ZFHX3: variants seen among roughly 807,000 people sequenced by gnomAD.
The protein encoded by ZFHX3 is zinc finger homeobox 3.
ZFHX3 carries 42 observed loss-of-function variants against 279.1 expected under a neutral mutation model. That is an observed-to-expected ratio of 0.15 (90% CI 0.12 to 0.19). The LOEUF (loss-of-function observed/expected upper bound fraction) is 0.19, where lower values mean the gene tolerates loss of function less well. Ranked by LOEUF, ZFHX3 falls within the 10% of genes least tolerant of loss-of-function variation. The pLI is 1.00. For missense variants in ZFHX3, 4,981 were observed against 4,754.0 expected (o/e 1.05, Z -1.40); for synonymous variants, 2,293 against 1,957.8 (o/e 1.17, Z -4.52).
At position 73,659,009 on chromosome 16, in the gene ZFHX3, T is replaced by C. The variant is rs78952787; in HGVS notation, c.-1547+21171A>G. On this transcript the variant is annotated intron_variant, in intron 2 of 17. Coordinates refer to the ZFHX3 transcript ENST00000641206. The stretch of plus-strand genomic sequence containing the variant: ...GGTAACCAAAGAGAAACGGAAAAAT[T>C]AAGAGTTGATAGGAATTAAGGAGAA... Among the ~76,000 whole-genome samples, 362 of 151,882 alleles carry C rather than the reference T, an allele frequency of 2.4e-3. 2 individuals are homozygous for C. Among genetic ancestry groups the C allele is most frequent in the Non-Finnish European group, 3.9e-3 (263 of 67,958 alleles).
At chr16:73,090,185 G>T (rs1458661262) in intron 8 of ZFHX3, among the ~76,000 whole-genome samples, 1 of 152,188 alleles carries the variant, frequency 6.6e-6, no homozygotes, top group Non-Finnish European at 1.5e-5. Context: ...CTTGAGCTCA[G>T]GAGTTTGAGA....
At chr16:72,891,439 T>C (rs1244840902) in intron 3 of ZFHX3, among the ~76,000 whole-genome samples, 3 of 152,212 alleles carry the variant, frequency 2.0e-5, no homozygotes, top group Non-Finnish European at 4.4e-5. Flanking sequence ...ACAATGTTTC[T>C]GAGTCTCCTG....
At chr16:73,183,213 CAA>C (rs1196863288) in intron 5 of ZFHX3, among the ~76,000 whole-genome samples, 1 of 151,700 alleles carries the variant, frequency 6.6e-6, no homozygotes, top group African/African-American at 2.4e-5. Context: ...TAAAACAAAA[CAA>C]AAAAAATTAC....
At position 73,549,841 on chromosome 16, in the gene ZFHX3, G is replaced by A. The variant is rs79612753; in HGVS notation, c.-1546-93583C>T. ...CTTTCTTTCTTTTTCTGGATCGGACGAGCGCTACATTTGATATAGAGACTG... is the reference window on the plus strand; with the variant it reads ...CTTTCTTTCTTTTTCTGGATCGGACAAGCGCTACATTTGATATAGAGACTG... On this transcript the variant is annotated intron_variant, in intron 2 of 17. Transcript: ENST00000641206. Among the ~76,000 whole-genome samples, 493 of 150,200 alleles carry A rather than the reference G, an allele frequency of 3.3e-3. 1 individual carries two copies. The highest frequency in any genetic ancestry group is 0.011 in the African/African-American group (469 of 40,938).
chr16:73,378,738 C>A (rs1425109678), intron 3 of ZFHX3, among the ~76,000 whole-genome samples: 1 of 152,174 alleles, frequency 6.6e-6, no homozygotes. Flanking sequence ...ATTCCTCCCC[C>A]CATGCTTTGG....
intron 1 of ZFHX3, among the ~76,000 whole-genome samples, chr16:72,998,773 C>T (rs145913319): frequency 8.5e-5 from 13 of 152,342 alleles, no homozygotes; most frequent in African/African-American, 2.2e-4. Context: ...CTCTTTCCCA[C>T]GGCATTAACA....
intron 2 of ZFHX3, among the ~76,000 whole-genome samples, chr16:73,586,121 G>T (rs1238524760): frequency 1.3e-5 from 2 of 152,148 alleles, no homozygotes; most frequent in African/African-American, 4.8e-5. Flanking sequence ...AGGCATGGTG[G>T]CTCAAACCTA....
At chr16:73,618,611 T>C (rs937743431) in intron 2 of ZFHX3, among the ~76,000 whole-genome samples, 1 of 152,204 alleles carries the variant, frequency 6.6e-6, no homozygotes, top group African/African-American at 2.4e-5. Flanking sequence ...CAGGTGGATT[T>C]CAAACCACAG....
At chr16:73,511,258 C>A (rs1007633765) in intron 2 of ZFHX3, among the ~76,000 whole-genome samples, 1 of 152,222 alleles carries the variant, frequency 6.6e-6, no homozygotes, top group African/African-American at 2.4e-5. Context: ...ACTCAACAAT[C>A]CACCCTGGCA....
intron 1 of ZFHX3, among the ~76,000 whole-genome samples, chr16:72,965,435 G>A (rs927099597): frequency 1.3e-5 from 2 of 152,212 alleles, no homozygotes; most frequent in African/African-American, 4.8e-5. Flanking sequence ...GGAGGTAGGA[G>A]AAGCTGCTGC....
chr16:73,101,975 G>A (rs558200865), intron 7 of ZFHX3, among the ~76,000 whole-genome samples: 9 of 145,536 alleles, frequency 6.2e-5, no homozygotes, highest in East Asian at 2.1e-4. Flanking sequence ...GTGCACTGGC[G>A]CCATCTCAGC....
intron 1 of ZFHX3, among the ~76,000 whole-genome samples, chr16:73,869,505 A>T (rs1962110202): frequency 6.6e-6 from 1 of 152,226 alleles, no homozygotes; most frequent in African/African-American, 2.4e-5. Flanking sequence ...CTACAAAGGG[A>T]TTGCCCATGC....
In ZFHX3 at chr16:73,155,931, T is replaced by G. The variant is rs111749662; in HGVS notation, c.-1103-12100A>C. Among the ~76,000 whole-genome samples the G allele has an allele frequency of 2.2e-3, 341 of 152,176 alleles. 2 individuals carry two copies. The Middle Eastern group carries it at 0.031, about 14-fold the overall frequency. ...TACACACTCACATATATGTTATATA[T>G]GTAAGAATATATATAAAGTGGTCGG... is the stretch of plus-strand genomic sequence containing the variant. On this transcript the variant is annotated intron_variant, in intron 5 of 17. Coordinates refer to the ZFHX3 transcript ENST00000641206.
intron 2 of ZFHX3, among the ~76,000 whole-genome samples, chr16:73,482,401 C>T (rs9933944): frequency 0.6 from 90,614 of 151,930 alleles, 29,487 homozygotes; most frequent in East Asian, 0.96. Flanking sequence ...AATGGCATCA[C>T]GTGTGAGGAT....
At chr16:73,380,536 C>T (rs1339427092) in intron 3 of ZFHX3, among the ~76,000 whole-genome samples, 4 of 152,098 alleles carry the variant, frequency 2.6e-5, no homozygotes, top group African/African-American at 9.7e-5. Flanking sequence ...TCTAATGAAA[C>T]ACTAGTCAAA....
intron 1 of ZFHX3, among the ~76,000 whole-genome samples, chr16:73,009,200 T>A (rs1375864206): frequency 6.6e-6 from 1 of 152,074 alleles, no homozygotes; most frequent in African/African-American, 2.4e-5. Flanking sequence ...TCCCACAAAC[T>A]TTGTAGTGCC....
At chr16:73,078,650 C>T (rs1315077288) in intron 8 of ZFHX3, among the ~76,000 whole-genome samples, 1 of 146,934 alleles carries the variant, frequency 6.8e-6, no homozygotes, top group East Asian at 2.0e-4. Flanking sequence ...CACTAAAGAA[C>T]TTTTTTTTTT....
chr16:73,704,483 G>A (rs1018815002), intron 1 of ZFHX3, among the ~76,000 whole-genome samples: 3 of 152,168 alleles, frequency 2.0e-5, no homozygotes, highest in African/African-American at 4.8e-5. Flanking sequence ...GAAGCTACTC[G>A]CTGGCTAATT....
chr16:73,755,050 C>A (rs942889431), intron 1 of ZFHX3, among the ~76,000 whole-genome samples: 8 of 152,168 alleles, frequency 5.3e-5, no homozygotes, highest in African/African-American at 1.9e-4. Context: ...ACTTTACATA[C>A]AACATAATTG....
Sources: allele counts gnomAD v4.1 joint callset (sites outside exome capture counted in the v4.1 genomes callset), GRCh38; gene constraint gnomAD v4.1.1; transcripts MANE v1.5; gene names NCBI Gene and HGNC (gene_info 2026-07-23, HGNC 2026-07-21).